ZBBX: variants seen among roughly 807,000 people sequenced by gnomAD.
ZBBX encodes the protein zinc finger B-box domain-containing protein 1.
A neutral mutation model predicts 108.5 loss-of-function variants in ZBBX; 101 were observed. The observed-to-expected ratio is 0.93, with a 90% CI of 0.79 to 1.10. The LOEUF (loss-of-function observed/expected upper bound fraction) is 1.10. Among genes scored for constraint, ZBBX ranks in the 50% least tolerant of loss-of-function variants. The pLI, the probability that ZBBX is intolerant of heterozygous loss-of-function variation, is 0.00. For missense variants in ZBBX, 1,009 were observed against 941.4 expected (o/e 1.07, Z -0.94); for synonymous variants, 356 against 323.4 (o/e 1.10, Z -1.08).
chr3:167,180,176 T>G, the ZBBX span, among the ~76,000 whole-genome samples: 1 of 152,204 alleles, frequency 6.6e-6, no homozygotes, highest in East Asian at 1.9e-4. Flanking sequence ...GGATCTATTC[T>G]ATTTATTTGA....
In ZBBX at chr3:167,308,319, G is replaced by A. The variant is rs4955789; in HGVS notation, c.1418-2369C>T. Among the ~76,000 whole-genome samples the A allele has an allele frequency of 9.6e-3, 1,459 of 152,214 alleles. 78 individuals are homozygous for A. Among genetic ancestry groups the A allele is most frequent in the Admixed American group, 0.086 (1,321 of 15,278 alleles). ...AAAGTAAAAAAAATAACAGATGCTG[G>A]TGAGGTTGTGCAGAGAAAGGAACAC... is the stretch of plus-strand genomic sequence containing the variant. On this transcript the variant is annotated intron_variant, in intron 16 of 21. Coordinates refer to ENST00000675490, the MANE Select transcript of ZBBX (RefSeq NM_001199201.2).
intron 17 of ZBBX, 48 bp from the exon 18 acceptor site, chr3:167,298,506 A>C: frequency 7.5e-7 from 1 of 1,333,454 alleles, no homozygotes; most frequent in Non-Finnish European, 1.0e-6. Context: ...TCATTAACAC[A>C]AACAAGCATA....
intron 20 of ZBBX, among the ~76,000 whole-genome samples, 170 bp downstream of exon 20, chr3:167,282,068 A>G (rs1481270353): frequency 6.6e-6 from 1 of 152,200 alleles, no homozygotes; most frequent in African/African-American, 2.4e-5. Context: ...AAACATATTC[A>G]GAGTGATATC....
At chr3:167,285,763 A>G (rs1036646485) in intron 19 of ZBBX, among the ~76,000 whole-genome samples, 1 of 152,058 alleles carries the variant, frequency 6.6e-6, no homozygotes, top group Non-Finnish European at 1.5e-5. Context: ...GGGGTATTCA[A>G]AAGGGAATAA....
chr3:167,242,751 G>T, intron 20 of ZBBX, 108 bp from the exon 21 acceptor site: 1 of 979,386 alleles, frequency 1.0e-6, no homozygotes, highest in African/African-American at 1.7e-5. Context: ...ATACAAAGAA[G>T]GTCAGCATAG....
chr3:167,328,176 TG>T, intron 10 of ZBBX, 60 bp from the exon 11 acceptor site: 1 of 1,510,046 alleles, frequency 6.6e-7, no homozygotes, highest in Non-Finnish European at 8.9e-7. Context: ...CCACAAAAAT[TG>T]TTTTAATAAA....
chr3:167,363,506 TCACA>T (rs539103850), intron 6 of ZBBX, among the ~76,000 whole-genome samples: 1 of 151,986 alleles, frequency 6.6e-6, no homozygotes, highest in South Asian at 2.1e-4. Context: ...CTTTCTTGTC[TCACA>T]CACACACAAA....
chr3:167,397,737 C>G (rs900158315), intron 1 of ZBBX, among the ~76,000 whole-genome samples: 2 of 151,344 alleles, frequency 1.3e-5, no homozygotes, highest in Non-Finnish European at 2.9e-5. Flanking sequence ...TTTAGAAGAA[C>G]TTTCACTTGA....
chr3:167,395,651 A>G (rs918659948), intron 1 of ZBBX, among the ~76,000 whole-genome samples: 2 of 151,996 alleles, frequency 1.3e-5, no homozygotes, highest in African/African-American at 4.8e-5. Flanking sequence ...AATCACAATA[A>G]CCTTGTTTCT....
At chr3:167,257,780 G>A (rs966845999) in intron 20 of ZBBX, among the ~76,000 whole-genome samples, 1 of 152,038 alleles carries the variant, frequency 6.6e-6, no homozygotes, top group South Asian at 2.1e-4. Flanking sequence ...TCATGTGTTT[G>A]TTGGCCATTT....
At chr3:167,271,209 G>A (rs1450724268) in intron 20 of ZBBX, among the ~76,000 whole-genome samples, 1 of 152,040 alleles carries the variant, frequency 6.6e-6, no homozygotes, top group East Asian at 1.9e-4. Context: ...ACTAAACAAG[G>A]TCTTATTAAT....
At chr3:167,295,744 TATATATATATATATAAAA>T (rs1182833894) in intron 18 of ZBBX, among the ~76,000 whole-genome samples, 2,898 of 18,342 alleles carry the variant, frequency 0.16, 297 homozygotes, top group South Asian at 0.24. Context: ...TATATATATA[TATATATATATATATAAAA>T]AAAACTAGTA....
chr3:167,396,151 A>G (rs1748229901), intron 1 of ZBBX, among the ~76,000 whole-genome samples: 1 of 152,008 alleles, frequency 6.6e-6, no homozygotes, highest in African/African-American at 2.4e-5. Context: ...TGCTGACTGT[A>G]TGTTTGTTTG....
Position 167,359,930 on chromosome 3 carries a change from A to G in ZBBX, c.372T>C (p.Cys124=). 6.3e-7 allele frequency: 1 copy of G among 1,590,536 alleles called. No individual in the cohort carries two copies. The highest frequency in any genetic ancestry group is 1.1e-5 in the South Asian group (1 of 87,418). Residue 124 remains cysteine (C), a synonymous_variant, in exon 8 of 22, where the codon TGT becomes TGC. Coordinates refer to ENST00000675490, the MANE Select transcript of ZBBX (RefSeq NM_001199201.2). ...VNYKMANSSE[C]EKPKINGKVC... is the part of the protein sequence containing the mutation. ...CTTTCCCATTTATCTTGGGTTTTTC[A>G]CATTCTGAAGAATTTGCCATTTTAT...
intron 11 of ZBBX, among the ~76,000 whole-genome samples, chr3:167,324,647 G>C (rs1488485218): frequency 6.6e-6 from 1 of 152,026 alleles, no homozygotes; most frequent in Non-Finnish European, 1.5e-5. Context: ...ACTCCTCCTT[G>C]ACCCTTACTT....
At chr3:167,266,727 CAAAA>C (rs1725569996) in intron 20 of ZBBX, among the ~76,000 whole-genome samples, 1 of 152,186 alleles carries the variant, frequency 6.6e-6, no homozygotes, top group Non-Finnish European at 1.5e-5. Flanking sequence ...CACCCTTTTG[CAAAA>C]GTAAATTGCC....
chr3:167,276,362 A>G (rs1199529163), intron 20 of ZBBX, among the ~76,000 whole-genome samples: 6 of 152,222 alleles, frequency 3.9e-5, no homozygotes, highest in Non-Finnish European at 8.8e-5. Flanking sequence ...AGAAGAATGT[A>G]TAACTAGAAT....
At chr3:167,246,241 C>A (rs145908866) in intron 20 of ZBBX, among the ~76,000 whole-genome samples, 66 of 152,262 alleles carry the variant, frequency 4.3e-4, no homozygotes, top group African/African-American at 1.2e-3. Flanking sequence ...TATGTGCACC[C>A]AATTTGTTTT....
chr3:167,383,343 C>T (rs1747807058), upstream of ZBBX, among the ~76,000 whole-genome samples: 2 of 151,934 alleles, frequency 1.3e-5, no homozygotes, highest in African/African-American at 4.8e-5. Flanking sequence ...TTGGTAAATG[C>T]TAAATATAAC....
Sources: allele counts gnomAD v4.1 joint callset (sites outside exome capture counted in the v4.1 genomes callset), GRCh38; gene constraint gnomAD v4.1.1; transcripts MANE v1.5; gene names NCBI Gene and HGNC (gene_info 2026-07-23, HGNC 2026-07-21).